Variants in KCND2 observed in about 807,000 individuals in gnomAD.
The protein encoded by KCND2 is potassium voltage-gated channel subfamily D member 2, also known as A-type voltage-gated potassium channel KCND2.
KCND2 carries 16 observed loss-of-function variants against 54.4 expected under a neutral mutation model. The ratio of observed to expected loss-of-function variants is 0.29; its 90% CI spans 0.20 to 0.45. The LOEUF (loss-of-function observed/expected upper bound fraction) is 0.45, where lower values mean the gene tolerates loss of function less well. Among genes scored for constraint, KCND2 ranks in the 20% least tolerant of loss-of-function variants. KCND2 has a pLI of 1.00. For synonymous variants in KCND2, 317 were observed against 310.7 expected, an observed-to-expected ratio of 1.02 and a Z score of -0.21; for missense variants, 486 against 824.2, an observed-to-expected ratio of 0.59 and a Z score of 5.02.
rs1206823205 is a variant in KCND2, at chr7:120,578,057, G to GAAA, written c.1116-154844_1116-154843insAAA. On this transcript the variant is annotated intron_variant, in intron 1 of 5. Coordinates refer to ENST00000331113, the MANE Select transcript of KCND2 (RefSeq NM_012281.3). ...AGGAGAAGAAGGAGAAGAAGAAGAA[G>GAAA]AAGAAGAACAAGAAGGAGAAGGAGA... Among the ~76,000 whole-genome samples the GAAA allele has an allele frequency of 8.0e-4, 121 of 151,922 alleles. 1 individual carries two copies. Among genetic ancestry groups the GAAA allele is most frequent in the African/African-American group, 2.8e-3 (118 of 41,440 alleles).
At chr7:120,524,419 GCTAA>G (rs1376451300) in intron 1 of KCND2, among the ~76,000 whole-genome samples, 6 of 151,992 alleles carry the variant, frequency 3.9e-5, no homozygotes, top group Non-Finnish European at 7.4e-5. Context: ...TCGATTCCAT[GCTAA>G]CTTTTAAAAT....
At chr7:120,380,619 G>A (rs959562826) in intron 1 of KCND2, among the ~76,000 whole-genome samples, 2 of 151,800 alleles carry the variant, frequency 1.3e-5, no homozygotes, top group Non-Finnish European at 2.9e-5. Flanking sequence ...TTGCTTTTTT[G>A]TATATAGTTT....
In KCND2 at chr7:120,636,957, A is replaced by G. The variant is rs1398643751; in HGVS notation, c.1116-95946A>G. ...TATGAATGGGGAAACTGACCCTTAT[A>G]AATTCAGACTTTGTGGCTCCATTAT... On this transcript the variant is annotated intron_variant, in intron 1 of 5. Transcript: ENST00000331113. Among the ~76,000 whole-genome samples the G allele has an allele frequency of 2.6e-5, 4 of 152,100 alleles. 1 individual carries two copies. The South Asian group carries it at 6.2e-4, about 24-fold the overall frequency.
intron 1 of KCND2, among the ~76,000 whole-genome samples, chr7:120,502,979 G>A (rs78889224): frequency 6.6e-6 from 1 of 152,126 alleles, no homozygotes; most frequent in East Asian, 1.9e-4. Flanking sequence ...GTTTGAAGTA[G>A]GTAAAAGGAA....
At chr7:120,304,946 C>G (rs531019390) in intron 1 of KCND2, among the ~76,000 whole-genome samples, 1 of 152,280 alleles carries the variant, frequency 6.6e-6, no homozygotes, top group Non-Finnish European at 1.5e-5. Context: ...CTTGAAGAAA[C>G]CTTCTTCTAT....
intron 1 of KCND2, among the ~76,000 whole-genome samples, chr7:120,582,939 GCT>G (rs1491392634): frequency 2.2e-5 from 3 of 134,714 alleles, no homozygotes; most frequent in Admixed American, 1.6e-4. Context: ...GGTTTGCATT[GCT>G]CTGTGTGTGT....
At chr7:120,392,518 A>C (rs1318100349) in intron 1 of KCND2, among the ~76,000 whole-genome samples, 3 of 151,152 alleles carry the variant, frequency 2.0e-5, no homozygotes, top group Non-Finnish European at 4.4e-5. Context: ...AAGAATAAAA[A>C]CCTTACTTTT....
rs143226023 is a variant in KCND2, at chr7:120,318,384, T to C, written c.1115+42637T>C. Among the ~76,000 whole-genome samples, 18 of 152,244 alleles carry C rather than the reference T, an allele frequency of 1.2e-4. No homozygotes were observed. In the East Asian group the frequency reaches 3.5e-3, roughly 29 times the overall value. On this transcript the variant is annotated intron_variant, in intron 1 of 5. Coordinates refer to ENST00000331113, the MANE Select transcript of KCND2 (RefSeq NM_012281.3). ...TAATCCTAGGCTCTTTCAGAAATAA[T>C]GTCAAATACTCTCATTGATTCTATA...
chr7:120,534,277 A>G (rs1238217336), intron 1 of KCND2, among the ~76,000 whole-genome samples: 1 of 152,112 alleles, frequency 6.6e-6, no homozygotes, highest in Non-Finnish European at 1.5e-5. Context: ...AGTCATGTTG[A>G]TAGCTCGTAC....
chr7:120,377,661 G>T (rs183059558), intron 1 of KCND2, among the ~76,000 whole-genome samples: 1 of 151,816 alleles, frequency 6.6e-6, no homozygotes, highest in Non-Finnish European at 1.5e-5. Flanking sequence ...TGAACTCTCA[G>T]CTTATTTTTA....
chr7:120,546,056 TATAAA>T (rs1323064850), intron 1 of KCND2, among the ~76,000 whole-genome samples: 2 of 151,878 alleles, frequency 1.3e-5, no homozygotes, highest in African/African-American at 4.8e-5. Flanking sequence ...AAAACTAAAA[TATAAA>T]ATAACATTCA....
At chr7:120,703,260 G>A (rs540417700) in intron 1 of KCND2, among the ~76,000 whole-genome samples, 17 of 152,182 alleles carry the variant, frequency 1.1e-4, no homozygotes, top group African/African-American at 4.1e-4. Context: ...AATCATAGCT[G>A]CACCTACCCT....
At chr7:120,686,515 T>C (rs1023811441) in intron 1 of KCND2, among the ~76,000 whole-genome samples, 1 of 152,170 alleles carries the variant, frequency 6.6e-6, no homozygotes, top group African/African-American at 2.4e-5. Context: ...AAGACAGAGT[T>C]GGAGGCAAGT....
intron 1 of KCND2, among the ~76,000 whole-genome samples, chr7:120,488,490 T>C (rs1802726060): frequency 6.6e-6 from 1 of 152,182 alleles, no homozygotes; most frequent in Non-Finnish European, 1.5e-5. Context: ...TTTCTTTAAG[T>C]AAAATTTTAA....
chr7:120,477,322 C>T (rs769244224), intron 1 of KCND2, among the ~76,000 whole-genome samples: 2 of 152,050 alleles, frequency 1.3e-5, no homozygotes, highest in Admixed American at 6.6e-5. Flanking sequence ...CTTCCTCAGT[C>T]GTCACAAACA....
intron 1 of KCND2, among the ~76,000 whole-genome samples, chr7:120,604,773 A>AT (rs1253496180): frequency 6.6e-6 from 1 of 150,808 alleles, no homozygotes; most frequent in Admixed American, 6.6e-5. Flanking sequence ...TAACAAGAAA[A>AT]ATTTTTTTAT....
intron 1 of KCND2, among the ~76,000 whole-genome samples, chr7:120,570,151 T>A (rs1057405893): frequency 1.3e-5 from 2 of 152,110 alleles, no homozygotes; most frequent in African/African-American, 4.8e-5. Flanking sequence ...AGAAAGAAAT[T>A]AGATGTTTGC....
At chr7:120,521,892 C>T (rs1791700277) in intron 1 of KCND2, among the ~76,000 whole-genome samples, 2 of 152,106 alleles carry the variant, frequency 1.3e-5, no homozygotes, top group African/African-American at 4.8e-5. Context: ...TGTTTTTGTA[C>T]TGGGAGTTGT....
At chr7:120,740,799 G>A (rs1562925192) in intron 2 of KCND2, 1 of 453,780 alleles carries the variant, frequency 2.2e-6, no homozygotes. Context: ...GGCTTACTAT[G>A]TTCTTCATTT....
Sources: gnomAD v4.1 joint callset for allele counts (sites outside exome capture counted in the v4.1 genomes callset) on GRCh38, gnomAD v4.1.1 for gene constraint, MANE v1.5 for transcripts, NCBI Gene and HGNC (gene_info 2026-07-23, HGNC 2026-07-21) for gene names.